The following LRRC4C variants were observed in gnomAD, a reference collection of about 807,000 sequenced individuals.
LRRC4C encodes the protein leucine-rich repeat-containing protein 4C.
LRRC4C carries 5 observed loss-of-function variants against 33.6 expected under a neutral mutation model. That is an observed-to-expected ratio of 0.15 (90% CI 0.08 to 0.31). The LOEUF (loss-of-function observed/expected upper bound fraction) is 0.31, where lower values mean the gene tolerates loss of function less well. Among genes scored for constraint, LRRC4C ranks in the 10% least tolerant of loss-of-function variants. LRRC4C has a pLI of 1.00. For synonymous variants in LRRC4C, 329 were observed against 302.0 expected, an observed-to-expected ratio of 1.09 and a Z score of -0.93; for missense variants, 560 against 796.7, an observed-to-expected ratio of 0.70 and a Z score of 3.58.
intron 3 of LRRC4C, among the ~76,000 whole-genome samples, chr11:40,614,620 G>A (rs926436729): frequency 6.6e-6 from 1 of 151,228 alleles, no homozygotes; most frequent in Non-Finnish European, 1.5e-5. Flanking sequence ...CTTGGCTTTT[G>A]GCCTAATTCA....
At chr11:40,384,188 C>T (rs1590549170) in intron 3 of LRRC4C, among the ~76,000 whole-genome samples, 1 of 151,646 alleles carries the variant, frequency 6.6e-6, no homozygotes, top group Non-Finnish European at 1.5e-5. Context: ...ATTTTAGAAT[C>T]GTCACAGGGG....
intron 2 of LRRC4C, among the ~76,000 whole-genome samples, chr11:40,726,888 G>A (rs886242805): frequency 1.3e-5 from 2 of 151,774 alleles, no homozygotes; most frequent in African/African-American, 4.8e-5. Context: ...TCCTCGGCCT[G>A]ATAAATAACT....
At chr11:40,673,136 G>A (rs1411540616) in intron 2 of LRRC4C, among the ~76,000 whole-genome samples, 1 of 151,798 alleles carries the variant, frequency 6.6e-6, no homozygotes, top group East Asian at 1.9e-4. Flanking sequence ...CAGCTAATTT[G>A]TAGTAAAATC....
chr11:41,079,852 T>C (rs1377545991), intron 1 of LRRC4C, among the ~76,000 whole-genome samples: 1 of 152,196 alleles, frequency 6.6e-6, no homozygotes, highest in East Asian at 1.9e-4. Flanking sequence ...GCAATTCTTC[T>C]TCTTCCAATG....
rs183273254 is a variant in LRRC4C at position 40,620,820 on chromosome 11, T to C, written c.-270+27322A>G. Among the ~76,000 whole-genome samples, 131 of 151,958 alleles carry C rather than the reference T, an allele frequency of 8.6e-4. 1 individual carries two copies. The highest frequency in any genetic ancestry group is 1.2e-3 in the Non-Finnish European group (79 of 67,820). ...AATCCTAACGCTGAGTAACTTTTCA[T>C]TGGTAGGGAAAGTACAATAATATCT... On this transcript the variant is annotated intron_variant, in intron 3 of 6. Coordinates refer to ENST00000528697, the MANE Select transcript of LRRC4C (RefSeq NM_001258419.2).
intron 1 of LRRC4C, among the ~76,000 whole-genome samples, chr11:41,091,335 A>G (rs1940402985): frequency 6.6e-6 from 1 of 152,066 alleles, no homozygotes; most frequent in African/African-American, 2.4e-5. Flanking sequence ...ATATGCCATT[A>G]AAAATAAGAA....
At chr11:40,248,806 A>G (rs1028753900) in intron 4 of LRRC4C, among the ~76,000 whole-genome samples, 4 of 152,200 alleles carry the variant, frequency 2.6e-5, no homozygotes, top group African/African-American at 9.6e-5. Flanking sequence ...TATTTTACGC[A>G]TATATCAAAT....
chr11:40,854,521 CCTT>C (rs1300452423), intron 2 of LRRC4C, among the ~76,000 whole-genome samples: 5 of 152,066 alleles, frequency 3.3e-5, no homozygotes, highest in African/African-American at 1.2e-4. Flanking sequence ...TAAAATATAT[CCTT>C]CTTAATTTTC....
intron 2 of LRRC4C, among the ~76,000 whole-genome samples, chr11:40,859,478 A>C (rs1030297934): frequency 2.0e-5 from 3 of 152,142 alleles, no homozygotes; most frequent in Non-Finnish European, 4.4e-5. Flanking sequence ...CAAACACAAT[A>C]TAATTGAAAT....
At chr11:41,268,466 C>A (rs913494061) in intron 1 of LRRC4C, among the ~76,000 whole-genome samples, 1 of 152,136 alleles carries the variant, frequency 6.6e-6, no homozygotes, top group Admixed American at 6.6e-5. Context: ...TAAAATACCA[C>A]AGAATACACT....
intron 4 of LRRC4C, among the ~76,000 whole-genome samples, chr11:40,279,632 C>T (rs1003654901): frequency 1.3e-5 from 2 of 152,142 alleles, no homozygotes; most frequent in Non-Finnish European, 2.9e-5. Context: ...TACAATCCTG[C>T]ATTATAATCA....
chr11:40,847,768 G>A (rs533163242), intron 2 of LRRC4C, among the ~76,000 whole-genome samples: 23 of 137,704 alleles, frequency 1.7e-4, no homozygotes, highest in South Asian at 7.2e-4. Flanking sequence ...CTGTAAATCC[G>A]TTTGGTCCTG....
chr11:40,585,367 A>G (rs1958674842), intron 3 of LRRC4C, among the ~76,000 whole-genome samples: 1 of 152,220 alleles, frequency 6.6e-6, no homozygotes, highest in Admixed American at 6.5e-5. Context: ...AACATCCAGC[A>G]GCAGAACAGG....
intron 1 of LRRC4C, among the ~76,000 whole-genome samples, chr11:41,100,896 C>T (rs945719249): frequency 5.3e-5 from 8 of 152,126 alleles, no homozygotes; most frequent in Non-Finnish European, 8.8e-5. Flanking sequence ...TACACACCTA[C>T]AACCATCTGA....
chr11:41,252,598 T>C (rs1263464186), intron 1 of LRRC4C, among the ~76,000 whole-genome samples: 1 of 152,168 alleles, frequency 6.6e-6, no homozygotes, highest in Non-Finnish European at 1.5e-5. Context: ...GTAATACTAT[T>C]TTGTTCCTAT....
In LRRC4C at chr11:40,495,813, G is replaced by GTTTTTTTTTTTTTTTTT. The variant is rs77683172; in HGVS notation, c.-270+152312_-270+152328dup. Among the ~76,000 whole-genome samples the GTTTTTTTTTTTTTTTTT allele has an allele frequency of 5.2e-4, 35 of 67,012 alleles. 9 individuals carry two copies. Among genetic ancestry groups the GTTTTTTTTTTTTTTTTT allele is most frequent in the African/African-American group, 7.6e-4 (12 of 15,812 alleles). 44.0% of individuals were successfully genotyped at this position (67,012 alleles called of 152,430 possible). The stretch of plus-strand genomic sequence containing the variant: ...TTTTATTGAAGTTCTCAATAAACAT[G>GTTTTTTTTTTTTTTTTT]TTTTTTTTTTTTTTTTTTTTTTTTT... On this transcript the variant is annotated intron_variant, in intron 3 of 6. Transcript: ENST00000528697.
intron 3 of LRRC4C, among the ~76,000 whole-genome samples, chr11:40,366,372 A>G (rs1020889664): frequency 6.6e-6 from 1 of 152,044 alleles, no homozygotes; most frequent in Non-Finnish European, 1.5e-5. Context: ...CTGGAGAGAC[A>G]TATTGTCAGC....
At chr11:41,254,090 G>C (rs1363852918) in intron 1 of LRRC4C, among the ~76,000 whole-genome samples, 1 of 151,970 alleles carries the variant, frequency 6.6e-6, no homozygotes, top group Non-Finnish European at 1.5e-5. Flanking sequence ...TCCACTCACT[G>C]TATAAATATA....
At chr11:40,631,766 T>C (rs1327993996) in intron 3 of LRRC4C, among the ~76,000 whole-genome samples, 4 of 152,202 alleles carry the variant, frequency 2.6e-5, no homozygotes, top group Admixed American at 2.6e-4. Flanking sequence ...TATAGAAGCA[T>C]TTGATCATAT....
Sources: allele counts gnomAD v4.1 joint callset (sites outside exome capture counted in the v4.1 genomes callset), GRCh38; gene constraint gnomAD v4.1.1; transcripts MANE v1.5; gene names NCBI Gene and HGNC (gene_info 2026-07-23, HGNC 2026-07-21).